ABI3BP: variants seen among roughly 807,000 people sequenced by gnomAD.
ABI3BP encodes ABI family member 3 binding protein.
In ABI3BP, 216 loss-of-function variants were observed where a neutral mutation model predicts 268.6. The observed-to-expected ratio is 0.80, with a 90% CI of 0.72 to 0.90. The LOEUF (loss-of-function observed/expected upper bound fraction) is 0.90. Ranked by LOEUF, ABI3BP falls within the 40% of genes least tolerant of loss-of-function variation. The pLI, the probability that ABI3BP is intolerant of heterozygous loss-of-function variation, is 0.00. For missense variants in ABI3BP, 2,090 were observed against 2,182.4 expected, an observed-to-expected ratio of 0.96 and a Z score of 0.84; for synonymous variants, 730 against 730.0, an observed-to-expected ratio of 1.00 and a Z score of 0.00.
intron 55 of ABI3BP, among the ~76,000 whole-genome samples, chr3:100,790,503 A>T (rs1215414757): frequency 6.6e-6 from 1 of 152,068 alleles, no homozygotes; most frequent in East Asian, 1.9e-4. Context: ...CTAAGTTAAA[A>T]AAGTATGCCT....
In ABI3BP at chr3:100,815,171, T is replaced by A. The variant is rs550991238; in HGVS notation, c.3289+741A>T. ...AGATGATGATCTTAGGTTGCTATAG[T>A]GTTTGTAGGTCTAGAAATCATTGAA... is the stretch of plus-strand genomic sequence containing the variant. On this transcript the variant is annotated intron_variant, in intron 44 of 67. Transcript: ENST00000471714. 3.3e-5 allele frequency among the ~76,000 whole-genome samples: 5 copies of A among 152,148 alleles called. No homozygotes were observed. In the East Asian group the frequency reaches 9.6e-4, roughly 29 times the overall value.
chr3:100,857,973 A>G (rs2153106222), intron 14 of ABI3BP, among the ~76,000 whole-genome samples: 1 of 152,362 alleles, frequency 6.6e-6, no homozygotes, highest in East Asian at 1.9e-4. Flanking sequence ...AATGGAAGAC[A>G]CTGAGAACTT....
chr3:100,775,165 C>T, intron 60 of ABI3BP, 42 bp downstream of exon 60: 1 of 1,597,616 alleles, frequency 6.3e-7, no homozygotes, highest in Non-Finnish European at 8.5e-7. Context: ...TCTTTTGCAC[C>T]TCACAGCTAA....
At chr3:100,940,030 G>C (rs1039845265) in intron 1 of ABI3BP, among the ~76,000 whole-genome samples, 16 of 152,032 alleles carry the variant, frequency 1.1e-4, no homozygotes, top group African/African-American at 3.6e-4. Flanking sequence ...GCTCACCGGT[G>C]GTCAGAGTTT....
intron 54 of ABI3BP, 70 bp downstream of exon 54, chr3:100,794,853 A>G: frequency 9.0e-7 from 1 of 1,116,818 alleles, no homozygotes; most frequent in Non-Finnish European, 1.3e-6. Flanking sequence ...AACATAATGT[A>G]TTATGGTTAC....
rs1445549707 is a variant in ABI3BP, at chr3:100,876,057, C to CT, written c.745+454dup. On this transcript the variant is annotated intron_variant, in intron 7 of 67. Coordinates refer to ENST00000471714, the MANE Select transcript of ABI3BP (RefSeq NM_001375547.2). ...GGGCCCTGTCTCTTCTACCAAGAAA[C>CT]TTTCTGGAAATAATAGATTTTAATA... Among the ~76,000 whole-genome samples, 3 of 152,206 alleles carry CT rather than the reference C, an allele frequency of 2.0e-5. No individual in the cohort carries two copies. In the East Asian group the frequency reaches 5.8e-4, roughly 29 times the overall value.
chr3:100,959,023 A>C (rs928527792), intron 1 of ABI3BP, among the ~76,000 whole-genome samples: 6 of 152,142 alleles, frequency 3.9e-5, no homozygotes, highest in African/African-American at 1.4e-4. Flanking sequence ...AAGAACAACC[A>C]TCTTGTTGCT....
chr3:100,854,129 T>A (rs1298156767), intron 14 of ABI3BP, among the ~76,000 whole-genome samples: 1 of 148,488 alleles, frequency 6.7e-6, no homozygotes, highest in Non-Finnish European at 1.5e-5. Context: ...GGCGGGTAAA[T>A]CCCTTGAGGT....
rs559428419 is a variant in ABI3BP, at chr3:100,850,142, C to T, written c.1427-23G>A. ...GAGCTGAAAGCACAAACACCCCAAC[C>T]CATCAAATAATCCCAGTTAAAATGA... On this transcript the variant is annotated intron_variant, in intron 16 of 67. Transcript: ENST00000471714. 54 of 1,593,236 alleles carry T rather than the reference C, an allele frequency of 3.4e-5. No homozygotes were observed. The African/African-American group carries it at 5.9e-4, about 17-fold the overall frequency.
chr3:100,816,509 C>A lies in ABI3BP; in HGVS notation c.3229+179G>T, dbSNP rs77109168. 3.3e-3 allele frequency: 2,257 copies of A among 687,380 alleles called. 46 individuals are homozygous for A. In the African/African-American group the frequency reaches 0.035, roughly 11 times the overall value. The allele number at this position is 687,380 out of a possible 1,614,324, so 42.6% of individuals were successfully genotyped here. On this transcript the variant is annotated intron_variant, in intron 43 of 67. Transcript: ENST00000471714. Reference sequence around the variant, plus strand: ...GATCAGGCACACAAGTGGCTCCAAGCCATGTTCTCCTGGATAGCTCTGTAC... The same window carrying A: ...GATCAGGCACACAAGTGGCTCCAAGACATGTTCTCCTGGATAGCTCTGTAC...
chr3:100,823,609 TC>T lies in ABI3BP; in HGVS notation c.2747-96del, dbSNP rs2098289897. 4 of 918,822 alleles carry T rather than the reference TC, an allele frequency of 4.4e-6. No individual in the cohort carries two copies. The East Asian group carries it at 1.1e-4, about 26-fold the overall frequency. 56.9% of individuals were successfully genotyped at this position (918,822 alleles called of 1,614,324 possible). A position where few individuals can be genotyped will look rare whatever the true frequency, so the allele number is the denominator to read the frequency against. ...CAAATTTTACTGGTATGTCAATTCT[TC>T]CAGAGAAACAAAAAAAAAATTAACT... On this transcript the variant is annotated intron_variant, in intron 36 of 67. Coordinates refer to ENST00000471714, the MANE Select transcript of ABI3BP (RefSeq NM_001375547.2).
At chr3:100,993,047 T>C (rs566593262) in intron 1 of ABI3BP, among the ~76,000 whole-genome samples, 1 of 152,356 alleles carries the variant, frequency 6.6e-6, no homozygotes, top group African/African-American at 2.4e-5. Context: ...TTAGAAAGTA[T>C]ACAGTTCAAG....
chr3:100,869,195 G>A (rs892717846), intron 9 of ABI3BP, among the ~76,000 whole-genome samples: 10 of 151,828 alleles, frequency 6.6e-5, no homozygotes, highest in African/African-American at 2.2e-4. Context: ...TTCTTAGCTG[G>A]CAATCACATT....
intron 9 of ABI3BP, among the ~76,000 whole-genome samples, chr3:100,871,909 T>C (rs893664069): frequency 4.6e-5 from 7 of 152,216 alleles, no homozygotes; most frequent in African/African-American, 1.7e-4. Flanking sequence ...CAGTCAGAGC[T>C]CACTGAAACC....
chr3:100,992,782 C>G (rs562289762), intron 1 of ABI3BP, among the ~76,000 whole-genome samples: 1 of 152,200 alleles, frequency 6.6e-6, no homozygotes, highest in Non-Finnish European at 1.5e-5. Context: ...CTTCCAAACT[C>G]CACTGGAGGG....
At chr3:100,907,384 C>A (rs1284421216) in intron 2 of ABI3BP, among the ~76,000 whole-genome samples, 1 of 152,138 alleles carries the variant, frequency 6.6e-6, no homozygotes, top group Admixed American at 6.5e-5. Flanking sequence ...GTCCCAGCTA[C>A]TCAGGAGGCT....
intron 14 of ABI3BP, among the ~76,000 whole-genome samples, chr3:100,859,166 T>C (rs1194137467): frequency 2.0e-5 from 3 of 152,160 alleles, no homozygotes; most frequent in Non-Finnish European, 4.4e-5. Flanking sequence ...GAATGTAAAT[T>C]TGTTCAACTA....
chr3:100,921,846 G>A (rs1258437671), intron 2 of ABI3BP, among the ~76,000 whole-genome samples: 1 of 152,228 alleles, frequency 6.6e-6, no homozygotes, highest in Non-Finnish European at 1.5e-5. Flanking sequence ...TTTAGTGGAA[G>A]TCCTGGTCCA....
At chr3:100,963,697 C>T (rs1249360543) in intron 1 of ABI3BP, among the ~76,000 whole-genome samples, 2 of 152,214 alleles carry the variant, frequency 1.3e-5, no homozygotes, top group African/African-American at 4.8e-5. Flanking sequence ...CCCTCTCTGC[C>T]TAGTTGCTGT....
Sources: allele counts gnomAD v4.1 joint callset (sites outside exome capture counted in the v4.1 genomes callset), GRCh38; gene constraint gnomAD v4.1.1; transcripts MANE v1.5; gene names NCBI Gene and HGNC (gene_info 2026-07-23, HGNC 2026-07-21).